The following C8orf34 variants were observed in gnomAD, a reference collection of about 807,000 sequenced individuals.
C8orf34 encodes uncharacterized protein C8orf34.
C8orf34 carries 65 observed loss-of-function variants against 68.3 expected under a neutral mutation model. The observed-to-expected ratio is 0.95, with a 90% CI of 0.78 to 1.17. The LOEUF is 1.17. C8orf34 is among the 50% of genes most tolerant of loss of function. The probability of loss-of-function intolerance (pLI) is 0.00; values close to 1 mark genes in which losing one functional copy is unlikely to be tolerated. For missense variants in C8orf34, 664 were observed against 655.4 expected, an observed-to-expected ratio of 1.01 and a Z score of -0.14; for synonymous variants, 244 against 241.2, an observed-to-expected ratio of 1.01 and a Z score of -0.11.
At chr8:68,657,948 T>A (rs1412406066) in intron 8 of C8orf34, among the ~76,000 whole-genome samples, 5 of 152,154 alleles carry the variant, frequency 3.3e-5, no homozygotes, top group Admixed American at 1.3e-4. Flanking sequence ...CTGATGGTTT[T>A]AAATTTTTTT....
At chr8:68,671,816 A>G (rs1820020338) in intron 8 of C8orf34, among the ~76,000 whole-genome samples, 1 of 152,188 alleles carries the variant, frequency 6.6e-6, no homozygotes, top group South Asian at 2.1e-4. Context: ...TGGGGCTTCT[A>G]AAGAACTATT....
At chr8:68,705,660 C>G (rs1821142086) in intron 8 of C8orf34, among the ~76,000 whole-genome samples, 1 of 150,278 alleles carries the variant, frequency 6.7e-6, no homozygotes, top group Non-Finnish European at 1.5e-5. Context: ...GAGTTTGGCT[C>G]AAAGAAGATT....
chr8:68,620,934 G>A (rs1818370963), intron 7 of C8orf34, among the ~76,000 whole-genome samples: 1 of 152,078 alleles, frequency 6.6e-6, no homozygotes, highest in Non-Finnish European at 1.5e-5. Flanking sequence ...AATAAGTCAA[G>A]CCTCCTGGAA....
At chr8:68,459,645 A>G (rs1811705040) in intron 3 of C8orf34, among the ~76,000 whole-genome samples, 1 of 152,218 alleles carries the variant, frequency 6.6e-6, no homozygotes, top group Non-Finnish European at 1.5e-5. Context: ...GAATCCAGCA[A>G]TCCCACTACT....
At chr8:68,597,945 T>G (rs1817594398) in intron 7 of C8orf34, among the ~76,000 whole-genome samples, 1 of 152,180 alleles carries the variant, frequency 6.6e-6, no homozygotes, top group Non-Finnish European at 1.5e-5. Context: ...TACTTTTGAA[T>G]TGTGACCTTG....
intron 5 of C8orf34, among the ~76,000 whole-genome samples, chr8:68,495,417 G>A (rs763390692): frequency 2.6e-5 from 4 of 152,088 alleles, no homozygotes; most frequent in Admixed American, 6.6e-5. Flanking sequence ...ATGCCAGATA[G>A]CATTCTACAT....
At chr8:68,448,347 T>C (rs1483415884) in intron 3 of C8orf34, among the ~76,000 whole-genome samples, 1 of 151,102 alleles carries the variant, frequency 6.6e-6, no homozygotes, top group East Asian at 1.9e-4. Context: ...AATAGCATAC[T>C]TTTTTTTAAA....
At chr8:68,757,910 A>G (rs1287134053) in intron 10 of C8orf34, among the ~76,000 whole-genome samples, 1 of 152,194 alleles carries the variant, frequency 6.6e-6, no homozygotes, top group African/African-American at 2.4e-5. Flanking sequence ...TCAACTTTAT[A>G]TGGTTCTAGG....
chr8:68,595,512 T>C lies in C8orf34; in HGVS notation c.1106-44864T>C, dbSNP rs947033619. ...AATGCTTTTAGAATTTTCTTTGCTCTCAGGATTCTTATATTTCCCTGTAAT... is the reference window on the plus strand; with the variant it reads ...AATGCTTTTAGAATTTTCTTTGCTCCCAGGATTCTTATATTTCCCTGTAAT... On this transcript the variant is annotated intron_variant, in intron 7 of 13. Transcript: ENST00000518698. 3.3e-5 allele frequency among the ~76,000 whole-genome samples: 5 copies of C among 152,242 alleles called. 1 individual carries two copies. Among genetic ancestry groups the C allele is most frequent in the Admixed American group, 6.5e-5 (1 of 15,284 alleles).
intron 8 of C8orf34, among the ~76,000 whole-genome samples, chr8:68,661,035 G>T (rs1165713395): frequency 6.6e-6 from 1 of 152,288 alleles, no homozygotes; most frequent in Non-Finnish European, 1.5e-5. Flanking sequence ...TGGCTTGGCT[G>T]GGGGAGGAAA....
chr8:68,577,291 A>G (rs1258182052), intron 7 of C8orf34, among the ~76,000 whole-genome samples: 3 of 152,008 alleles, frequency 2.0e-5, no homozygotes, highest in Non-Finnish European at 2.9e-5. Context: ...AATGAGTTCT[A>G]TATGCTTCTT....
chr8:68,629,851 G>A (rs538935108), intron 7 of C8orf34, among the ~76,000 whole-genome samples: 18 of 151,998 alleles, frequency 1.2e-4, no homozygotes, highest in African/African-American at 3.1e-4. Context: ...TGATAAGGGC[G>A]TGCGTATGTG....
chr8:68,384,477 A>G (rs1259047219), intron 1 of C8orf34, among the ~76,000 whole-genome samples: 1 of 152,210 alleles, frequency 6.6e-6, no homozygotes, highest in East Asian at 1.9e-4. Context: ...TTTACTTGTT[A>G]AATAAAAGAA....
intron 4 of C8orf34, among the ~76,000 whole-genome samples, chr8:68,478,355 G>T (rs946718639): frequency 9.9e-5 from 15 of 152,154 alleles, no homozygotes; most frequent in African/African-American, 3.1e-4. Flanking sequence ...GTCAGCCTGG[G>T]CTTCATTGTC....
chr8:68,645,120 C>A (rs1177424799), intron 8 of C8orf34, among the ~76,000 whole-genome samples: 1 of 152,142 alleles, frequency 6.6e-6, no homozygotes, highest in African/African-American at 2.4e-5. Flanking sequence ...GAAAGACGAT[C>A]TGCTTTGGAG....
At chr8:68,570,421 G>A (rs1045786175) in intron 7 of C8orf34, among the ~76,000 whole-genome samples, 7 of 152,170 alleles carry the variant, frequency 4.6e-5, no homozygotes, top group African/African-American at 1.4e-4. Context: ...GTGATTGTCA[G>A]TATTCAACAA....
In C8orf34 at chr8:68,767,136, G is replaced by A. The variant is rs577284324; in HGVS notation, c.1405-9263G>A. Reference sequence around the variant, plus strand: ...TTGAACCTGGGAAGCGGAGGTTGCAGTGAGATGAGATCTCACGCCACTGCA... The same window carrying A: ...TTGAACCTGGGAAGCGGAGGTTGCAATGAGATGAGATCTCACGCCACTGCA... On this transcript the variant is annotated intron_variant, in intron 10 of 13. Coordinates refer to ENST00000518698, the MANE Select transcript of C8orf34 (RefSeq NM_052958.4). Among the ~76,000 whole-genome samples the A allele has an allele frequency of 4.0e-4, 61 of 152,250 alleles. 4 individuals carry two copies. In the South Asian group the frequency reaches 7.7e-3, roughly 19 times the overall value.
chr8:68,564,018 A>G (rs1816511268), intron 7 of C8orf34, among the ~76,000 whole-genome samples: 1 of 152,248 alleles, frequency 6.6e-6, no homozygotes, highest in Non-Finnish European at 1.5e-5. Context: ...TACTTTATTT[A>G]AATTTCAAAA....
chr8:68,455,684 A>T (rs780203925), intron 3 of C8orf34, among the ~76,000 whole-genome samples: 1 of 152,164 alleles, frequency 6.6e-6, no homozygotes, highest in Non-Finnish European at 1.5e-5. Flanking sequence ...AAGTAAAAAA[A>T]CTATTGACTC....
Sources: gnomAD v4.1 joint callset for allele counts (sites outside exome capture counted in the v4.1 genomes callset) on GRCh38, gnomAD v4.1.1 for gene constraint, MANE v1.5 for transcripts, NCBI Gene and HGNC (gene_info 2026-07-23, HGNC 2026-07-21) for gene names.